The following SCAMP1 variants were observed in gnomAD, a reference collection of about 807,000 sequenced individuals.
SCAMP1 encodes secretory carrier membrane protein 1, also known as secretory carrier-associated membrane protein 1.
SCAMP1 carries 15 observed loss-of-function variants against 41.8 expected under a neutral mutation model. The observed-to-expected ratio is 0.36, with a 90% CI of 0.24 to 0.55. The LOEUF is 0.55. SCAMP1 is among the 20% of genes least tolerant of loss of function. SCAMP1 has a pLI of 0.86. For synonymous variants in SCAMP1, 135 were observed against 136.8 expected (o/e 0.99, Z 0.09); for missense variants, 341 against 412.6 (o/e 0.83, Z 1.50).
chr5:78,363,868 A>G (rs945398096), intron 1 of SCAMP1, among the ~76,000 whole-genome samples: 1 of 152,130 alleles, frequency 6.6e-6, no homozygotes, highest in African/African-American at 2.4e-5. Context: ...GGCTTAGTGA[A>G]TGGTTTTATG....
intron 6 of SCAMP1, among the ~76,000 whole-genome samples, chr5:78,444,424 T>A (rs553069647): frequency 6.6e-6 from 1 of 152,234 alleles, no homozygotes; most frequent in South Asian, 2.1e-4. Flanking sequence ...TATAAAACCA[T>A]GCAGTCTTGT....
intron 1 of SCAMP1, among the ~76,000 whole-genome samples, chr5:78,366,788 C>T (rs1157146558): frequency 6.6e-6 from 1 of 152,050 alleles, no homozygotes; most frequent in South Asian, 2.1e-4. Flanking sequence ...GAGTTTGAGA[C>T]CAGCCTGGGC....
rs192493434 is a variant in SCAMP1, at chr5:78,469,261, T to G, written c.853-6243T>G. ...CTATAGTCACAAATAGGCATGCTAC[T>G]TCTCTCTCAGAACCATTCAGCACTG... On this transcript the variant is annotated intron_variant, in intron 8 of 8. Coordinates refer to ENST00000621999, the MANE Select transcript of SCAMP1 (RefSeq NM_004866.6). 9.2e-5 allele frequency among the ~76,000 whole-genome samples: 14 copies of G among 152,260 alleles called. No homozygotes were observed. In the East Asian group the frequency reaches 2.7e-3, roughly 29 times the overall value.
chr5:78,373,081 G>A (rs1750979352), intron 1 of SCAMP1, among the ~76,000 whole-genome samples: 1 of 152,038 alleles, frequency 6.6e-6, no homozygotes, highest in African/African-American at 2.4e-5. Context: ...TGTGGTTCCA[G>A]AGCCCACCTT....
chr5:78,383,868 T>C (rs1001031499), intron 1 of SCAMP1, among the ~76,000 whole-genome samples: 12 of 152,192 alleles, frequency 7.9e-5, no homozygotes, highest in Admixed American at 2.0e-4. Flanking sequence ...GGTAATGTAA[T>C]GCCTCCAGTT....
intron 8 of SCAMP1, among the ~76,000 whole-genome samples, chr5:78,473,130 A>C (rs1270915945): frequency 1.3e-5 from 2 of 152,002 alleles, no homozygotes; most frequent in South Asian, 2.1e-4. Context: ...TGATAGTGCT[A>C]AGGTACTAGG....
At chr5:78,371,426 C>T (rs1328337308) in intron 1 of SCAMP1, among the ~76,000 whole-genome samples, 2 of 152,102 alleles carry the variant, frequency 1.3e-5, no homozygotes, top group African/African-American at 4.8e-5. Context: ...GTTCAGTCCC[C>T]ATTGAATGAT....
chr5:78,379,888 A>C (rs998170597), intron 1 of SCAMP1, among the ~76,000 whole-genome samples: 4 of 152,128 alleles, frequency 2.6e-5, no homozygotes, highest in Admixed American at 2.0e-4. Flanking sequence ...TTTTTGAGTT[A>C]ATTTTGTTTT....
At position 78,475,415 on chromosome 5, in the gene SCAMP1, T is replaced by G; in HGVS notation, c.853-89T>G. ...AATCATGACTACAATCTAGTATTTT[T>G]ATGTTTGATTAATGTTGAGATTAAG... On this transcript the variant is annotated intron_variant, in intron 8 of 8. Coordinates refer to ENST00000621999, the MANE Select transcript of SCAMP1 (RefSeq NM_004866.6). 3 of 920,272 alleles carry G rather than the reference T, an allele frequency of 3.3e-6. No homozygotes were observed. In the East Asian group the frequency reaches 8.5e-5, roughly 26 times the overall value. 57.0% of individuals were successfully genotyped at this position (920,272 alleles called of 1,614,324 possible).
chr5:78,364,884 T>G (rs1750754025), intron 1 of SCAMP1, among the ~76,000 whole-genome samples: 1 of 79,650 alleles, frequency 1.3e-5, no homozygotes, highest in South Asian at 5.0e-4. Context: ...GGGTCTGTCA[T>G]GGGGTGGGGG....
chr5:78,460,784 C>T lies in SCAMP1; in HGVS notation c.852+1422C>T, dbSNP rs1417575931. On this transcript the variant is annotated intron_variant, in intron 8 of 8. Coordinates refer to ENST00000621999, the MANE Select transcript of SCAMP1 (RefSeq NM_004866.6). ...TCCTTCCTTCCTTCCTTCCTTCCTT[C>T]CTTCCTTCCTTCCTTCCTTCCTCCC... 1.1e-4 allele frequency among the ~76,000 whole-genome samples: 4 copies of T among 35,308 alleles called. 1 individual carries two copies. Among genetic ancestry groups the T allele is most frequent in the South Asian group, 2.8e-3 (2 of 708 alleles). The allele number at this position is 35,308 out of a possible 152,430, so 23.2% of individuals were successfully genotyped here.
At chr5:78,445,602 G>A (rs951681940) in intron 6 of SCAMP1, among the ~76,000 whole-genome samples, 2 of 151,864 alleles carry the variant, frequency 1.3e-5, no homozygotes, top group Admixed American at 1.3e-4. Context: ...CCCACCTTCT[G>A]AATGCCAATA....
At chr5:78,439,037 C>T (rs1752845813) in intron 6 of SCAMP1, among the ~76,000 whole-genome samples, 1 of 152,126 alleles carries the variant, frequency 6.6e-6, no homozygotes, top group African/African-American at 2.4e-5. Flanking sequence ...GGATTGCAAC[C>T]CCTGCTTCTT....
At chr5:78,432,270 C>T (rs940969071) in intron 6 of SCAMP1, among the ~76,000 whole-genome samples, 3 of 151,830 alleles carry the variant, frequency 2.0e-5, no homozygotes, top group African/African-American at 7.3e-5. Flanking sequence ...TTATTAATAC[C>T]ATTTCAGCAC....
rs1202054068 is a variant in SCAMP1 at position 78,460,796 on chromosome 5, C to CTTT, written c.852+1434_852+1435insTTT. Among the ~76,000 whole-genome samples, 89 of 35,704 alleles carry CTTT rather than the reference C, an allele frequency of 2.5e-3. 5 individuals are homozygous for CTTT. The highest frequency in any genetic ancestry group is 8.6e-3 in the South Asian group (6 of 696). 23.4% of individuals were successfully genotyped at this position (35,704 alleles called of 152,430 possible). The stretch of plus-strand genomic sequence containing the variant: ...TCCTTCCTTCCTTCCTTCCTTCCTT[C>CTTT]CTTCCTTCCTCCCTTCCTTCCTTCC... On this transcript the variant is annotated intron_variant, in intron 8 of 8. Transcript: ENST00000621999.
intron 1 of SCAMP1, among the ~76,000 whole-genome samples, chr5:78,367,423 T>C (rs1163146493): frequency 6.6e-6 from 1 of 152,214 alleles, no homozygotes; most frequent in African/African-American, 2.4e-5. Context: ...TCAGATATCC[T>C]TACTCAAGTG....
intron 6 of SCAMP1, among the ~76,000 whole-genome samples, chr5:78,431,727 GTAC>G (rs1184575873): frequency 1.3e-5 from 2 of 151,606 alleles, no homozygotes; most frequent in Non-Finnish European, 2.9e-5. Context: ...TCCCAGCAGA[GTAC>G]TCTCAGTTCC....
chr5:78,471,217 C>G (rs965512863), intron 8 of SCAMP1, among the ~76,000 whole-genome samples: 1 of 152,152 alleles, frequency 6.6e-6, no homozygotes, highest in Non-Finnish European at 1.5e-5. Context: ...GCGGTACTCT[C>G]AATAGGGAAA....
intron 7 of SCAMP1, among the ~76,000 whole-genome samples, chr5:78,452,622 C>G (rs368676350): frequency 7.3e-4 from 110 of 150,118 alleles, no homozygotes; most frequent in African/African-American, 2.5e-3. Flanking sequence ...AAGTCTTTGC[C>G]ATTGTGAATA....
Sources: allele counts gnomAD v4.1 joint callset (sites outside exome capture counted in the v4.1 genomes callset), GRCh38; gene constraint gnomAD v4.1.1; transcripts MANE v1.5; gene names NCBI Gene and HGNC (gene_info 2026-07-23, HGNC 2026-07-21).